Variants in CERK observed in about 807,000 individuals in gnomAD.
CERK encodes ceramide kinase.
In CERK, 39 loss-of-function variants were observed where a neutral mutation model predicts 63.4. That is an observed-to-expected ratio of 0.61 (90% CI 0.48 to 0.80). The LOEUF is 0.80. Among genes scored for constraint, CERK ranks in the 30% least tolerant of loss-of-function variants. The pLI, the probability that CERK is intolerant of heterozygous loss-of-function variation, is 0.00. For synonymous variants in CERK, 302 were observed against 280.0 expected (o/e 1.08, Z -0.78); for missense variants, 670 against 714.1 (o/e 0.94, Z 0.70).
intron 9 of CERK, 50 bp from the exon 10 acceptor site, chr22:46,693,553 G>C (rs371863813): frequency 4.2e-6 from 6 of 1,439,266 alleles, no homozygotes; most frequent in Non-Finnish European, 5.9e-6. Flanking sequence ...TGCAGGTGCA[G>C]TGCGTATGCT....
At chr22:46,702,188 A>AG (rs1490430207) in intron 6 of CERK, among the ~76,000 whole-genome samples, 1 of 149,332 alleles carries the variant, frequency 6.7e-6, no homozygotes, top group African/African-American at 2.5e-5. Context: ...AAAAAAAAAA[A>AG]AAAAAAGGAG....
intron 2 of CERK, 117 bp from the exon 3 acceptor site, chr22:46,720,325 G>C: frequency 1.7e-6 from 2 of 1,199,234 alleles, no homozygotes; most frequent in South Asian, 3.1e-5. Context: ...TTTCCCAGGG[G>C]TTCTCCTCCC....
intron 1 of CERK, 66 bp from the exon 2 acceptor site, chr22:46,721,081 A>G (rs1212342563): frequency 1.0e-6 from 1 of 999,444 alleles, no homozygotes; most frequent in African/African-American, 1.6e-5. Flanking sequence ...AATCAGTCCA[A>G]CTCCAAGAAG....
rs554165674 is a variant in CERK, at chr22:46,718,453, C to T, written c.379+1633G>A. ...CTCTTCTGAACAGCCTAGTGCGGAA[C>T]GACATGCAGAGGAACGGGGCTTGTG... On this transcript the variant is annotated intron_variant, in intron 3 of 12. Coordinates refer to ENST00000216264, the MANE Select transcript of CERK (RefSeq NM_022766.6). Among the ~76,000 whole-genome samples, 9 of 152,242 alleles carry T rather than the reference C, an allele frequency of 5.9e-5. No individual in the cohort carries two copies. In the East Asian group the frequency reaches 1.2e-3, roughly 20 times the overall value.
chr22:46,727,877 C>T lies in CERK; in HGVS notation c.143-6862G>A, dbSNP rs902977138. 6.6e-5 allele frequency among the ~76,000 whole-genome samples: 10 copies of T among 152,034 alleles called. No homozygotes were observed. The South Asian group carries it at 2.1e-3, about 32-fold the overall frequency. On this transcript the variant is annotated intron_variant, in intron 1 of 12. Coordinates refer to ENST00000216264, the MANE Select transcript of CERK (RefSeq NM_022766.6). Reference sequence around the variant, plus strand: ...CCCGCGGCTCCTTAGCATGGATGCTCCCTTAGCATGCACAGGAGGCCTGGA... The same window carrying T: ...CCCGCGGCTCCTTAGCATGGATGCTTCCTTAGCATGCACAGGAGGCCTGGA...
intron 1 of CERK, among the ~76,000 whole-genome samples, chr22:46,732,947 G>A (rs1473002447): frequency 6.6e-6 from 1 of 151,942 alleles, no homozygotes; most frequent in African/African-American, 2.4e-5. Flanking sequence ...GGTGGCTCAC[G>A]CCTGTAATCC....
rs201501433 is a variant in CERK, at chr22:46,701,599, G to A, written c.790+37C>T. ...ACAGGCCTGGGGGCGCAGGAGGCCC[G>A]GCTGCCACCGTGCGCATGCGCAGAG... On this transcript the variant is annotated intron_variant, in intron 7 of 12. Transcript: ENST00000216264. 710 of 1,536,416 alleles carry A rather than the reference G, an allele frequency of 4.6e-4. 4 individuals carry two copies. The highest frequency in any genetic ancestry group is 4.1e-4 in the Middle Eastern group (2 of 4,884).
intron 4 of CERK, among the ~76,000 whole-genome samples, chr22:46,711,741 C>T (rs1171519862): frequency 2.6e-5 from 4 of 151,956 alleles, no homozygotes; most frequent in African/African-American, 9.7e-5. Context: ...TGTATTCTTC[C>T]CATTCTGGTA....
chr22:46,711,086 C>G lies in CERK; in HGVS notation c.569G>C (p.Gly190Ala). ...TGGCGATGAAAGACGGCTTACTCAC[C>G]CGTCGTATTTGTCTATGTTAATCTC... ...LYEINIDKYD[G>A]IVCVGGDGMF... Residue 190 changes from glycine (G) to alanine (A), a missense_variant and splice_region_variant, in exon 5 of 13, where the codon GGC becomes GCC. Gly to Ala is a moderately conservative substitution (Grantham distance 60). Transcript: ENST00000216264. The G allele has an allele frequency of 6.2e-7, 1 of 1,611,872 alleles. No homozygotes were observed. Among genetic ancestry groups the G allele is most frequent in the Non-Finnish European group, 8.5e-7 (1 of 1,178,324 alleles).
chr22:46,731,881 C>T (rs551194511), intron 1 of CERK, among the ~76,000 whole-genome samples: 2 of 151,784 alleles, frequency 1.3e-5, no homozygotes, highest in Admixed American at 6.6e-5. Flanking sequence ...GACGGGCCAA[C>T]GGCACTGGAG....
chr22:46,717,810 A>C (rs2082873351), intron 3 of CERK, among the ~76,000 whole-genome samples: 1 of 152,174 alleles, frequency 6.6e-6, no homozygotes, highest in Non-Finnish European at 1.5e-5. Flanking sequence ...TATGACAAAT[A>C]CTAAAACAGC....
At chr22:46,687,465 G>A (rs2082708405) in intron 12 of CERK, among the ~76,000 whole-genome samples, 1 of 152,194 alleles carries the variant, frequency 6.6e-6, no homozygotes, top group South Asian at 2.1e-4. Flanking sequence ...CCGGGATGCC[G>A]AGTTTGTAAA....
In CERK at chr22:46,738,239, G is replaced by A. The variant is rs2082986375; in HGVS notation, c.-91C>T. 2.9e-6 allele frequency: 2 copies of A among 687,610 alleles called. No homozygotes were observed. The highest frequency in any genetic ancestry group is 1.2e-4 in the South Asian group (2 of 16,006). The allele number at this position is 687,610 out of a possible 1,614,324, so 42.6% of individuals were successfully genotyped here. Reference sequence around the variant, plus strand: ...CGGCCCCTGCAGTGGCCCGGGCGGCGGGCGGCGGGCGGCGGGAGGCGGCGC... The same window carrying A: ...CGGCCCCTGCAGTGGCCCGGGCGGCAGGCGGCGGGCGGCGGGAGGCGGCGC... On this transcript the variant is annotated 5_prime_UTR_variant, in exon 1 of 13. Coordinates refer to ENST00000216264, the MANE Select transcript of CERK (RefSeq NM_022766.6).
chr22:46,687,334 G>C (rs135665), intron 12 of CERK, 128 bp from the exon 13 acceptor site: 2 of 343,660 alleles, frequency 5.8e-6, no homozygotes, highest in Non-Finnish European at 1.0e-5. Context: ...CCTGAGCACC[G>C]CTCTTGGACA....
chr22:46,700,444 G>A (rs867220929), intron 7 of CERK, among the ~76,000 whole-genome samples: 3 of 152,086 alleles, frequency 2.0e-5, no homozygotes, highest in African/African-American at 7.2e-5. Flanking sequence ...ATCAGAAGTA[G>A]GCCGGGCACA....
chr22:46,702,200 C>CA (rs1285335760), intron 6 of CERK, among the ~76,000 whole-genome samples: 1 of 123,268 alleles, frequency 8.1e-6, no homozygotes, highest in South Asian at 2.6e-4. Flanking sequence ...AAAAAGGAGC[C>CA]AAAAAGTTAA....
At chr22:46,729,284 G>T (rs770224705) in intron 1 of CERK, among the ~76,000 whole-genome samples, 15 of 152,278 alleles carry the variant, frequency 9.9e-5, no homozygotes, top group East Asian at 1.9e-4. Flanking sequence ...AGGACGGCTT[G>T]TGCTCAAGAG....
At chr22:46,691,040 CACAT>C (rs2082728308) in intron 11 of CERK, among the ~76,000 whole-genome samples, 2 of 135,840 alleles carry the variant, frequency 1.5e-5, no homozygotes, top group South Asian at 2.3e-4. Flanking sequence ...CACATACACA[CACAT>C]GTATACATAC....
At chr22:46,697,475 G>C (rs776546704) in intron 8 of CERK, among the ~76,000 whole-genome samples, 6 of 151,688 alleles carry the variant, frequency 4.0e-5, no homozygotes, top group Non-Finnish European at 8.8e-5. Context: ...TGTGGAGATG[G>C]GGTCTCCCTA....
Sources: gnomAD v4.1 joint callset for allele counts (sites outside exome capture counted in the v4.1 genomes callset) on GRCh38, gnomAD v4.1.1 for gene constraint, MANE v1.5 for transcripts, NCBI Gene and HGNC (gene_info 2026-07-23, HGNC 2026-07-21) for gene names.